RGS22: variants seen among roughly 807,000 people sequenced by gnomAD.
RGS22 encodes the protein regulator of G-protein signaling 22.
Under a neutral mutation model 172.9 loss-of-function variants are expected in RGS22, and 148 were observed. The ratio of observed to expected loss-of-function variants is 0.86; its 90% CI spans 0.75 to 0.98. The LOEUF is 0.98. RGS22 is among the 50% of genes least tolerant of loss of function. RGS22 has a pLI of 0.00. For missense variants in RGS22, 1,347 were observed against 1,440.8 expected (o/e 0.93, Z 1.05); for synonymous variants, 458 against 480.2 (o/e 0.95, Z 0.60).
At chr8:99,989,645 A>G (rs1813469483) in intron 20 of RGS22, among the ~76,000 whole-genome samples, 1 of 152,118 alleles carries the variant, frequency 6.6e-6, no homozygotes, top group Non-Finnish European at 1.5e-5. Flanking sequence ...GGAGTTCAAG[A>G]CCAGCCTGGG....
At chr8:100,013,403 C>T (rs16897870) in intron 14 of RGS22, among the ~76,000 whole-genome samples, 29,198 of 151,942 alleles carry the variant, frequency 0.19, 3,035 homozygotes, top group African/African-American at 0.26. Flanking sequence ...TGGATGCCTA[C>T]ATCTATTTCC....
At position 99,962,697 on chromosome 8, in the gene RGS22, G is replaced by GT; in HGVS notation, c.3779dup (p.His1260GlnfsTer11). 6 of 1,606,568 alleles carry GT rather than the reference G, an allele frequency of 3.7e-6. No individual in the cohort carries two copies. The highest frequency in any genetic ancestry group is 5.1e-6 in the Non-Finnish European group (6 of 1,178,018). ...ACACTGGAAACTCACTCTGGCTGCT[G>GT]TGGGCAGACATATTCTTTTTCAAAG... On this transcript the variant is annotated frameshift_variant, in exon 26 of 28. Coordinates refer to ENST00000360863, the MANE Select transcript of RGS22 (RefSeq NM_015668.5). LOFTEE classifies it high-confidence loss of function.
At chr8:99,976,320 T>C (rs1439301293) in intron 23 of RGS22, among the ~76,000 whole-genome samples, 2 of 152,246 alleles carry the variant, frequency 1.3e-5, no homozygotes, top group Non-Finnish European at 2.9e-5. Flanking sequence ...GTATTGTTTA[T>C]GAATGCATCC....
intron 4 of RGS22, among the ~76,000 whole-genome samples, chr8:100,078,189 C>T (rs571967465): frequency 2.2e-3 from 330 of 152,114 alleles, no homozygotes; most frequent in Middle Eastern, 0.01. Flanking sequence ...CTGGCTTTTA[C>T]TTGGGGTGCT....
At chr8:99,999,173 A>AT (rs1814710206) in intron 19 of RGS22, 89 bp downstream of exon 19, 8 of 1,131,526 alleles carry the variant, frequency 7.1e-6, no homozygotes, top group Non-Finnish European at 8.5e-6. Context: ...AAAAAAAAAA[A>AT]GGACAATGGC....
At chr8:100,092,813 G>A (rs1288918354) in intron 3 of RGS22, among the ~76,000 whole-genome samples, 1 of 152,158 alleles carries the variant, frequency 6.6e-6, no homozygotes, top group Non-Finnish European at 1.5e-5. Context: ...GTCTATGACT[G>A]AAACTATTAA....
chr8:100,071,322 A>G (rs1460629302), intron 6 of RGS22, 47 bp downstream of exon 6: 1 of 1,451,742 alleles, frequency 6.9e-7, no homozygotes, highest in African/African-American at 1.4e-5. Flanking sequence ...ATAAAATCAG[A>G]AGTGTTAGTG....
At chr8:100,095,661 T>G (rs1812910080) in intron 2 of RGS22, among the ~76,000 whole-genome samples, 1 of 152,250 alleles carries the variant, frequency 6.6e-6, no homozygotes, top group East Asian at 1.9e-4. Context: ...TCTAGATTCC[T>G]GAGCTCAGCT....
intron 23 of RGS22, among the ~76,000 whole-genome samples, chr8:99,975,604 CA>C (rs201476595): frequency 1.6e-3 from 217 of 135,652 alleles, no homozygotes; most frequent in African/African-American, 1.5e-3. Context: ...ATTAGATGAC[CA>C]AAAAAAAAAA....
At chr8:99,996,180 C>A (rs1814357158) in intron 20 of RGS22, among the ~76,000 whole-genome samples, 1 of 152,106 alleles carries the variant, frequency 6.6e-6, no homozygotes, top group Admixed American at 6.5e-5. Flanking sequence ...TTGATGGGTG[C>A]AGCAAACCAA....
intron 23 of RGS22, 64 bp downstream of exon 23, chr8:99,977,853 A>C (rs1325110459): frequency 7.4e-7 from 1 of 1,344,288 alleles, no homozygotes. Context: ...AAATTATTCT[A>C]TAATTCACAC....
chr8:100,092,932 A>G (rs1341027772), intron 3 of RGS22, among the ~76,000 whole-genome samples: 2 of 152,242 alleles, frequency 1.3e-5, no homozygotes, highest in Non-Finnish European at 2.9e-5. Context: ...TCTATCCAAG[A>G]GGATGAAAAT....
At position 99,984,959 on chromosome 8, in the gene RGS22, C is replaced by T. The variant is rs906145269; in HGVS notation, c.3180+2499G>A. ...AGAATCTTCTACTATATAGATATATCGTAATTTAGTAACCAACGTCCTTGT... is the reference window on the plus strand; with the variant it reads ...AGAATCTTCTACTATATAGATATATTGTAATTTAGTAACCAACGTCCTTGT... On this transcript the variant is annotated intron_variant, in intron 21 of 27. Transcript: ENST00000360863. 7.2e-5 allele frequency among the ~76,000 whole-genome samples: 11 copies of T among 152,242 alleles called. 1 individual carries two copies. Among genetic ancestry groups the T allele is most frequent in the South Asian group, 2.1e-4 (1 of 4,820 alleles).
chr8:100,003,904 A>G, intron 17 of RGS22, 22 bp downstream of exon 17: 1 of 1,523,504 alleles, frequency 6.6e-7, no homozygotes, highest in South Asian at 1.3e-5. Context: ...TTCAGTGAGA[A>G]ATATATGGTT....
rs550159167 is a variant in RGS22, at chr8:100,092,969, C to T, written c.117+478G>A. On this transcript the variant is annotated intron_variant, in intron 3 of 27. Transcript: ENST00000360863. ...ATTGCTTGAAAGCAAAAAATTAGTT[C>T]CTTGACTTTTTTGATATTTTGTCCT... Among the ~76,000 whole-genome samples the T allele has an allele frequency of 2.6e-3, 396 of 152,308 alleles. 2 individuals are homozygous for T. The highest frequency in any genetic ancestry group is 4.8e-3 in the Non-Finnish European group (329 of 68,026).
intron 10 of RGS22, among the ~76,000 whole-genome samples, chr8:100,049,844 C>T (rs558325256): frequency 3.2e-4 from 48 of 152,062 alleles, no homozygotes; most frequent in Non-Finnish European, 5.3e-4. Flanking sequence ...GTCAGGAGTT[C>T]GAGACCAGCC....
Position 100,098,487 on chromosome 8 carries a change from G to C in RGS22, c.55-4978C>G, listed in dbSNP as rs143113300. 7.0e-3 allele frequency among the ~76,000 whole-genome samples: 1,066 copies of C among 152,290 alleles called. 8 individuals are homozygous for C. The highest frequency in any genetic ancestry group is 0.012 in the Non-Finnish European group (838 of 68,016). On this transcript the variant is annotated intron_variant, in intron 2 of 27. Coordinates refer to ENST00000360863, the MANE Select transcript of RGS22 (RefSeq NM_015668.5). ...CATTTTTGAAATTTGAAAACCAAAA[G>C]CCCGCATATCAGATCCCCACTGGTT...
At chr8:99,985,051 A>G (rs1293525918) in intron 21 of RGS22, among the ~76,000 whole-genome samples, 8 of 152,158 alleles carry the variant, frequency 5.3e-5, no homozygotes, top group Non-Finnish European at 8.8e-5. Context: ...TACTCCAGCC[A>G]TCTCTTTGTA....
intron 14 of RGS22, chr8:100,024,130 C>T (rs1440306509): frequency 6.6e-6 from 1 of 152,212 alleles, no homozygotes; most frequent in Non-Finnish European, 1.5e-5. Context: ...CCACGCCCGG[C>T]TAATTTTTGT....
Sources: gnomAD v4.1 joint callset for allele counts (sites outside exome capture counted in the v4.1 genomes callset) on GRCh38, gnomAD v4.1.1 for gene constraint, MANE v1.5 for transcripts, NCBI Gene and HGNC (gene_info 2026-07-23, HGNC 2026-07-21) for gene names.